The following ZNF263 variants were observed in gnomAD, a reference collection of about 807,000 sequenced individuals.
ZNF263 encodes zinc finger protein 263, also known as zinc finger protein FPM315.
Under a neutral mutation model 63.1 loss-of-function variants are expected in ZNF263, and 49 were observed. That is an observed-to-expected ratio of 0.78 (90% CI 0.62 to 0.99). The LOEUF (loss-of-function observed/expected upper bound fraction) is 0.99, where lower values mean the gene tolerates loss of function less well. Ranked by LOEUF, ZNF263 falls within the 50% of genes least tolerant of loss-of-function variation. The probability of loss-of-function intolerance (pLI) is 0.00; values close to 1 mark genes in which losing one functional copy is unlikely to be tolerated. For synonymous variants in ZNF263, 352 were observed against 324.2 expected, an observed-to-expected ratio of 1.09 and a Z score of -0.92; for missense variants, 872 against 854.8, an observed-to-expected ratio of 1.02 and a Z score of -0.25.
At chr16:3,294,761 C>T (rs1236732687), downstream of ZNF263, among the ~76,000 whole-genome samples, 1 of 152,188 alleles carries the variant, frequency 6.6e-6, no homozygotes, top group East Asian at 1.9e-4. Context: ...AATTAGCTTA[C>T]AGAGACACCT....
Position 3,290,183 on chromosome 16 carries a change from C to G in ZNF263, c.1677C>G (p.Thr559=), listed in dbSNP as rs745396884. Residue 559 remains threonine (T), a synonymous_variant, in exon 6 of 6, where the codon ACC becomes ACG. Coordinates refer to ENST00000219069, the MANE Select transcript of ZNF263 (RefSeq NM_005741.5). ...GTGGGGAAGCTGTGAGTGACAGCAC[C>G]CCCTTTCTTACAAACCATGGAGCCC... The part of the protein sequence containing the change: ...SECGEAVSDS[T]PFLTNHGAHK... 1.1e-5 allele frequency: 18 copies of G among 1,613,952 alleles called. No homozygotes were observed. Among genetic ancestry groups the G allele is most frequent in the Non-Finnish European group, 1.5e-5 (18 of 1,180,026 alleles).
At chr16:3,288,394 T>G (rs1475469615) in intron 4 of ZNF263, 60 bp from the exon 5 acceptor site, 18 of 1,276,684 alleles carry the variant, frequency 1.4e-5, no homozygotes, top group Non-Finnish European at 1.8e-5. Flanking sequence ...ACAAGACTGT[T>G]TCCCTACCCT....
chr16:3,301,282 G>A (rs1169463889), exon 3 of ZNF263: 4 of 167,128 alleles, frequency 2.4e-5, no homozygotes, highest in Non-Finnish European at 5.9e-5. Context: ...GGGATGTATG[G>A]AGAGTTGGAA....
intron 2 of ZNF263, chr16:3,299,324 C>A: frequency 1.3e-6 from 2 of 1,598,188 alleles, no homozygotes; most frequent in Non-Finnish European, 1.7e-6. Flanking sequence ...AACTTAGTTT[C>A]CAACTCCCCA....
Position 3,285,208 on chromosome 16 carries a change from C to T in ZNF263, c.537C>T (p.Pro179=). The change falls in exon 2 of 6, where the codon CCC becomes CCT. Residue 179 remains proline, a synonymous_variant. Coordinates refer to ENST00000219069, the MANE Select transcript of ZNF263 (RefSeq NM_005741.5). ...PRLQELLGPS[P]QRDPQAVKER... The stretch of plus-strand genomic sequence containing the variant: ...TGCAGGAGCTGCTAGGCCCCAGCCC[C>T]CAAAGGGACCCCCAGGCTGTAAAGG... 6.2e-7 allele frequency: 1 copy of T among 1,613,502 alleles called. No individual in the cohort carries two copies. Among genetic ancestry groups the T allele is most frequent in the Non-Finnish European group, 8.5e-7 (1 of 1,179,936 alleles).
chr16:3,284,049 G>A lies in ZNF263; in HGVS notation c.231G>A (p.Lys77=). ...GGCTTCGGCCTGAGATGCGCACGAAGGAGCAGATCTTGGAGCTGCTGGTGT... is the reference window on the plus strand; with the variant it reads ...GGCTTCGGCCTGAGATGCGCACGAAAGAGCAGATCTTGGAGCTGCTGGTGT... The part of the protein sequence containing the change: ...HGWLRPEMRT[K]EQILELLVLE... Residue 77 remains lysine (K), a synonymous_variant, in exon 1 of 6, where the codon AAG becomes AAA. Coordinates refer to ENST00000219069, the MANE Select transcript of ZNF263 (RefSeq NM_005741.5). 1 of 1,613,870 alleles carries A rather than the reference G, an allele frequency of 6.2e-7. No homozygotes were observed. The highest frequency in any genetic ancestry group is 8.5e-7 in the Non-Finnish European group (1 of 1,179,872).
intron 2 of ZNF263, chr16:3,299,567 T>C: frequency 1.3e-6 from 2 of 1,534,526 alleles, no homozygotes; most frequent in Non-Finnish European, 1.7e-6. Flanking sequence ...ATTACAAGAC[T>C]CTCTTCAAGT....
At chr16:3,299,711 G>A (rs1328776623) in intron 2 of ZNF263, 1 of 1,536,178 alleles carries the variant, frequency 6.5e-7, no homozygotes, top group Non-Finnish European at 8.7e-7. Context: ...TCAGAGGAAG[G>A]ATGAGCCGGG....
At chr16:3,285,582 C>T in intron 2 of ZNF263, 99 bp from the exon 3 acceptor site, 1 of 1,249,718 alleles carries the variant, frequency 8.0e-7, no homozygotes, top group Non-Finnish European at 1.2e-6. Flanking sequence ...TTCCCAAAAG[C>T]AGAGGCTGGG....
chr16:3,288,742 T>G (rs1959481227), intron 5 of ZNF263, among the ~76,000 whole-genome samples, 172 bp downstream of exon 5: 1 of 152,064 alleles, frequency 6.6e-6, no homozygotes, highest in African/African-American at 2.4e-5. Context: ...GCCTCCCAGG[T>G]TCAAGCGGTT....
At position 3,283,706 on chromosome 16, in the gene ZNF263, G is replaced by T; in HGVS notation, c.-113G>T. On this transcript the variant is annotated 5_prime_UTR_variant, in exon 1 of 6. Transcript: ENST00000219069. The stretch of plus-strand genomic sequence containing the variant: ...GGAGCGGGGCTCCTCGGCCTGGACT[G>T]GGAGCCCCCGGCCCCGGGCTCCTGC... The T allele has an allele frequency of 7.2e-7, 1 of 1,385,384 alleles. No individual in the cohort carries two copies. The highest frequency in any genetic ancestry group is 9.3e-7 in the Non-Finnish European group (1 of 1,073,568). The allele number at this position is 1,385,384 out of a possible 1,614,324, so 85.8% of individuals were successfully genotyped here. A position where few individuals can be genotyped will look rare whatever the true frequency, so the allele number is the denominator to read the frequency against.
In ZNF263 at chr16:3,289,792, T is replaced by A. The variant is rs374333605; in HGVS notation, c.1286T>A (p.Leu429Gln). Residue 429 changes from leucine to glutamine, a missense_variant, in exon 6 of 6, where the codon CTG becomes CAG. Leu to Gln is a moderately radical substitution (Grantham distance 113). Coordinates refer to ENST00000219069, the MANE Select transcript of ZNF263 (RefSeq NM_005741.5). ...TTCCTGTCACTACACAGAGCACACC[T>A]GGGAGAGGAGGCCCACAAGTGCCTT... Reference protein sequence around the residue: ...PRFLSLHRAHLGEEAHKCLEC... With the variant: ...PRFLSLHRAHQGEEAHKCLEC... 1 of 1,614,108 alleles carries A rather than the reference T, an allele frequency of 6.2e-7. No homozygotes were observed. Among genetic ancestry groups the A allele is most frequent in the African/African-American group, 1.3e-5 (1 of 74,938 alleles).
In ZNF263 at chr16:3,289,908, G is replaced by A. The variant is rs371748967; in HGVS notation, c.1402G>A (p.Gly468Arg). ...GAAGCCCTATCAGTGCAACATTTGC[G>A]GAAAATGTTTCTCCTGCAACTCCAA... The part of the protein sequence containing the change: ...GEKPYQCNIC[G>R]KCFSCNSNLH... Residue 468 changes from glycine (G) to arginine (R), a missense_variant, in exon 6 of 6, where the codon GGA becomes AGA. Gly to Arg is a moderately radical substitution (Grantham distance 125, BLOSUM62 -2). Transcript: ENST00000219069. 43 of 1,614,030 alleles carry A rather than the reference G, an allele frequency of 2.7e-5. No homozygotes were observed. The highest frequency in any genetic ancestry group is 4.0e-5 in the African/African-American group (3 of 74,930).
rs1959537824 is a variant in ZNF263, at chr16:3,289,878, G to A, written c.1372G>A (p.Gly458Ser). ...HLTRHQRTHT[G>S]EKPYQCNICG... is the part of the protein sequence containing the mutation. ...GACTCGCCACCAACGCACCCACACG[G>A]GTGAGAAGCCCTATCAGTGCAACAT... The change falls in exon 6 of 6, where the codon GGT becomes AGT. Residue 458 changes from glycine to serine, a missense_variant. Coordinates refer to ENST00000219069, the MANE Select transcript of ZNF263 (RefSeq NM_005741.5). The A allele has an allele frequency of 3.7e-6, 6 of 1,614,178 alleles. No individual in the cohort carries two copies. The South Asian group carries it at 6.6e-5, about 18-fold the overall frequency.
At chr16:3,287,711 T>C (rs1009201940) in intron 4 of ZNF263, among the ~76,000 whole-genome samples, 5 of 152,072 alleles carry the variant, frequency 3.3e-5, no homozygotes, top group Non-Finnish European at 5.9e-5. Context: ...TTGTGGGTTT[T>C]AATCTCATGG....
intron 5 of ZNF263, 106 bp downstream of exon 5, chr16:3,288,676 ACT>A (rs1350864573): frequency 1.4e-6 from 1 of 720,698 alleles, no homozygotes; most frequent in Non-Finnish European, 2.3e-6. Context: ...ATGGAGTGGC[ACT>A]CTTGTTGCCC....
intron 4 of ZNF263, 55 bp from the exon 5 acceptor site, chr16:3,288,399 T>G: frequency 7.5e-7 from 1 of 1,327,692 alleles, no homozygotes; most frequent in Non-Finnish European, 1.1e-6. Context: ...ACTGTTTCCC[T>G]ACCCTGGTAG....
At chr16:3,296,798 A>T (rs1178623558) in intron 1 of ZNF263, among the ~76,000 whole-genome samples, 3 of 151,946 alleles carry the variant, frequency 2.0e-5, no homozygotes, top group Non-Finnish European at 4.4e-5. Context: ...CAATAAAAAA[A>T]ATGAGAACTC....
exon 3 of ZNF263, chr16:3,301,228 C>T (rs1358260325): frequency 2.4e-5 from 4 of 167,120 alleles, no homozygotes; most frequent in African/African-American, 9.6e-5. Flanking sequence ...GGCAGCAGTT[C>T]ATCTACCTGG....
Sources: allele counts gnomAD v4.1 joint callset (sites outside exome capture counted in the v4.1 genomes callset), GRCh38; gene constraint gnomAD v4.1.1; transcripts MANE v1.5; gene names NCBI Gene and HGNC (gene_info 2026-07-23, HGNC 2026-07-21).